Variants in TSHZ2 observed in about 807,000 individuals in gnomAD.
The protein encoded by TSHZ2 is teashirt zinc finger homeobox 2, also known as teashirt homolog 2.
In TSHZ2, 21 loss-of-function variants were observed where a neutral mutation model predicts 74.4. The ratio of observed to expected loss-of-function variants is 0.28; its 90% confidence interval spans 0.20 to 0.41. The LOEUF is 0.41. Ranked by LOEUF, TSHZ2 falls within the 10% of genes least tolerant of loss-of-function variation. The pLI is 1.00. For synonymous variants in TSHZ2, 540 were observed against 515.3 expected, an observed-to-expected ratio of 1.05 and a Z score of -0.65; for missense variants, 1,244 against 1,293.5, an observed-to-expected ratio of 0.96 and a Z score of 0.59.
intron 2 of TSHZ2, among the ~76,000 whole-genome samples, chr20:53,309,389 GA>G (rs1407895446): frequency 2.0e-5 from 3 of 151,506 alleles, no homozygotes; most frequent in Non-Finnish European, 4.4e-5. Flanking sequence ...TGAATGCAAT[GA>G]AAAAAGAATT....
intron 1 of TSHZ2, among the ~76,000 whole-genome samples, chr20:53,184,230 T>C (rs535677351): frequency 5.9e-5 from 9 of 152,324 alleles, no homozygotes; most frequent in Admixed American, 5.2e-4. Flanking sequence ...TTGTCCTTTA[T>C]GGAATTTGAA....
chr20:53,297,725 C>T (rs1189864570), intron 2 of TSHZ2, among the ~76,000 whole-genome samples: 2 of 152,208 alleles, frequency 1.3e-5, no homozygotes, highest in Non-Finnish European at 2.9e-5. Flanking sequence ...CTTGTCCAAG[C>T]CCCACTTTCC....
At chr20:53,204,940 A>G (rs1389377160) in intron 1 of TSHZ2, among the ~76,000 whole-genome samples, 1 of 151,914 alleles carries the variant, frequency 6.6e-6, no homozygotes, top group Non-Finnish European at 1.5e-5. Flanking sequence ...AAAGAAAAAA[A>G]AAATTAGCCG....
intron 1 of TSHZ2, among the ~76,000 whole-genome samples, chr20:53,095,115 A>C (rs1411163049): frequency 1.3e-5 from 2 of 152,252 alleles, no homozygotes; most frequent in African/African-American, 4.8e-5. Flanking sequence ...AGTCTAGGAC[A>C]AGCTGGCTTC....
chr20:53,371,819 T>C (rs1304698680), intron 2 of TSHZ2, among the ~76,000 whole-genome samples: 1 of 146,596 alleles, frequency 6.8e-6, no homozygotes, highest in Non-Finnish European at 1.5e-5. Flanking sequence ...GGTGTTGCAG[T>C]GAGCTGGATC....
chr20:53,323,299 TATAAA>T (rs988726933), intron 2 of TSHZ2, among the ~76,000 whole-genome samples: 1 of 152,184 alleles, frequency 6.6e-6, no homozygotes, highest in Non-Finnish European at 1.5e-5. Context: ...GGGTGACTCT[TATAAA>T]ATGACCTTCC....
At chr20:53,243,822 C>CTA (rs1990131279) in intron 1 of TSHZ2, among the ~76,000 whole-genome samples, 1 of 145,702 alleles carries the variant, frequency 6.9e-6, no homozygotes, top group African/African-American at 2.5e-5. Context: ...TGCTTGCTTG[C>CTA]TTTTTTTTTT....
intron 1 of TSHZ2, among the ~76,000 whole-genome samples, chr20:53,009,885 C>T (rs942107942): frequency 2.6e-5 from 4 of 152,120 alleles, no homozygotes; most frequent in African/African-American, 7.2e-5. Flanking sequence ...AAAAAAAGAC[C>T]TACATTGGGA....
chr20:53,018,296 A>T (rs1194692702), intron 1 of TSHZ2, among the ~76,000 whole-genome samples: 1 of 152,232 alleles, frequency 6.6e-6, no homozygotes, highest in Non-Finnish European at 1.5e-5. Flanking sequence ...GCAGTTTTGT[A>T]GACAATCACT....
chr20:53,180,358 T>C (rs1353508469), intron 1 of TSHZ2, among the ~76,000 whole-genome samples: 1 of 152,230 alleles, frequency 6.6e-6, no homozygotes, highest in Non-Finnish European at 1.5e-5. Context: ...AGGGATGGTT[T>C]GCTTTGTCTA....
intron 2 of TSHZ2, among the ~76,000 whole-genome samples, chr20:53,414,263 G>A (rs554447134): frequency 6.6e-6 from 1 of 152,170 alleles, no homozygotes; most frequent in Non-Finnish European, 1.5e-5. Context: ...TATTTTTGTA[G>A]TGTTTGACTT....
At chr20:53,183,880 T>C (rs982205976) in intron 1 of TSHZ2, among the ~76,000 whole-genome samples, 1 of 152,222 alleles carries the variant, frequency 6.6e-6, no homozygotes, top group Admixed American at 6.5e-5. Flanking sequence ...GCTCTGCAGA[T>C]TGCATCCACT....
intron 1 of TSHZ2, among the ~76,000 whole-genome samples, chr20:53,137,096 T>C (rs532828716): frequency 6.6e-6 from 1 of 152,274 alleles, no homozygotes; most frequent in Non-Finnish European, 1.5e-5. Context: ...TTAAAATACA[T>C]GCAATCAACC....
chr20:53,336,581 G>T lies in TSHZ2; in HGVS notation c.*8+80010G>T, dbSNP rs114367684. 3.9e-3 allele frequency among the ~76,000 whole-genome samples: 600 copies of T among 152,292 alleles called. 2 individuals are homozygous for T. Among genetic ancestry groups the T allele is most frequent in the African/African-American group, 0.014 (586 of 41,554 alleles). On this transcript the variant is annotated intron_variant, in intron 2 of 2. Transcript: ENST00000371497. ...CCAAGCTGGTGGGTAAGCACAGTGA[G>T]GCCAACACACACCCATGTTCTTTCC... is the stretch of plus-strand genomic sequence containing the variant.
intron 1 of TSHZ2, among the ~76,000 whole-genome samples, chr20:53,037,760 T>A (rs1983872920): frequency 6.6e-6 from 1 of 152,192 alleles, no homozygotes; most frequent in African/African-American, 2.4e-5. Context: ...GGGAGACTTG[T>A]TTCGGCAGTG....
At chr20:53,268,146 G>A (rs1435363349) in intron 2 of TSHZ2, among the ~76,000 whole-genome samples, 1 of 152,170 alleles carries the variant, frequency 6.6e-6, no homozygotes, top group Non-Finnish European at 1.5e-5. Context: ...AAAAAGGCAG[G>A]GGGCGGGCAT....
At chr20:53,153,100 A>G (rs1435709273) in intron 1 of TSHZ2, among the ~76,000 whole-genome samples, 4 of 152,212 alleles carry the variant, frequency 2.6e-5, no homozygotes, top group African/African-American at 9.6e-5. Flanking sequence ...ATCACCCATA[A>G]CACAATCAGG....
intron 1 of TSHZ2, among the ~76,000 whole-genome samples, chr20:53,116,443 C>T (rs1986669487): frequency 6.6e-6 from 1 of 152,162 alleles, no homozygotes; most frequent in Non-Finnish European, 1.5e-5. Context: ...CTCCTGACTA[C>T]AACCTCGCTC....
intron 2 of TSHZ2, among the ~76,000 whole-genome samples, chr20:53,350,746 A>G (rs57512407): frequency 0.021 from 3,232 of 152,334 alleles, 107 homozygotes; most frequent in African/African-American, 0.074. Context: ...GTTTTTCACA[A>G]AGATGAAACA....
Sources: allele counts gnomAD v4.1 joint callset (sites outside exome capture counted in the v4.1 genomes callset), GRCh38; gene constraint gnomAD v4.1.1; transcripts MANE v1.5; gene names NCBI Gene and HGNC (gene_info 2026-07-23, HGNC 2026-07-21).